LRRC10: variants seen among roughly 807,000 people sequenced by gnomAD.
The protein encoded by LRRC10 is leucine-rich repeat-containing protein 10.
In LRRC10, 6 loss-of-function variants were observed where a neutral mutation model predicts 11.1. The observed-to-expected ratio is 0.54, with a 90% CI of 0.30 to 1.07. LRRC10 has a LOEUF of 1.07. Among genes scored for constraint, LRRC10 ranks in the 50% least tolerant of loss-of-function variants. The pLI is 0.07. For synonymous variants in LRRC10, 145 were observed against 153.6 expected (o/e 0.94, Z 0.41); for missense variants, 320 against 355.5 (o/e 0.90, Z 0.80).
At position 69,610,573 on chromosome 12, in the gene LRRC10, G is replaced by A. The variant is rs201075055; in HGVS notation, c.266C>T (p.Ala89Val). The A allele has an allele frequency of 1.6e-4, 259 of 1,614,030 alleles. 2 individuals are homozygous for A. The East Asian group carries it at 5.5e-3, about 34-fold the overall frequency. Reference protein sequence around the residue: ...ILALDFNNFKALPQVVCTLKQ... With the variant: ...ILALDFNNFKVLPQVVCTLKQ... ...CAAGGTGCACACCACCTGGGGCAGA[G>A]CCTTGAAGTTGTTGAAATCCAAGGC... The change falls in exon 1 of 1, where the codon GCT becomes GTT. Residue 89 changes from alanine (A) to valine (V), a missense_variant. Ala to Val is a moderately conservative substitution (Grantham distance 64). Transcript: ENST00000361484.
rs1413193297 is a variant in LRRC10, at chr12:69,608,734, TC to T, written c.*1270del. The T allele has an allele frequency of 2.0e-5, 3 of 152,204 alleles. No individual in the cohort carries two copies. The highest frequency in any genetic ancestry group is 1.3e-4 in the Admixed American group (2 of 15,272). The allele number at this position is 152,204 out of a possible 1,614,324, so 9.4% of individuals were successfully genotyped here. On this transcript the variant is annotated 3_prime_UTR_variant, in exon 1 of 1. Coordinates refer to ENST00000361484, the MANE Select transcript of LRRC10 (RefSeq NM_201550.4). ...GAGACTTCCTATATACACTACAACT[TC>T]CTATTCAAATTTCAAAGTGCTTGTT... is the stretch of plus-strand genomic sequence containing the variant.
rs766586554 is a variant in LRRC10, at chr12:69,610,231, C to T, written c.608G>A (p.Arg203His). ...EVIDVDWNSI[R>H]YFPSLAHLSS... ...CAGGTGCGCCAGGCTGGGGAAGTAA[C>T]GGATGCTGTTCCAGTCCACATCAAT... The change falls in exon 1 of 1, where the codon CGT (arginine) becomes CAT (histidine). Residue 203 changes from arginine (R) to histidine (H), a missense_variant. Transcript: ENST00000361484. The T allele has an allele frequency of 1.6e-5, 26 of 1,614,084 alleles. No homozygotes were observed. Among genetic ancestry groups the T allele is most frequent in the East Asian group, 4.5e-5 (2 of 44,886 alleles).
Position 69,610,074 on chromosome 12 carries a change from A to G in LRRC10, c.765T>C (p.Tyr255=), listed in dbSNP as rs548431025. 18 of 1,614,216 alleles carry G rather than the reference A, an allele frequency of 1.1e-5. No individual in the cohort carries two copies. The highest frequency in any genetic ancestry group is 4.0e-5 in the African/African-American group (3 of 75,056). ...CCTGGCTTTCCTCTCTGACCAACGC[A>G]TAGCGCCTGGCTTTTCTAGGGTCGG... ...PEPDPRKARR[Y]ALVREESQEL... Residue 255 remains tyrosine, a synonymous_variant, in exon 1 of 1, where the codon TAT becomes TAC. Coordinates refer to ENST00000361484, the MANE Select transcript of LRRC10 (RefSeq NM_201550.4).
chr12:69,610,882 G>T lies in LRRC10; in HGVS notation c.-44C>A. 6.9e-7 allele frequency: 1 copy of T among 1,455,658 alleles called. No homozygotes were observed. The highest frequency in any genetic ancestry group is 9.3e-7 in the Non-Finnish European group (1 of 1,078,170). The allele number at this position is 1,455,658 out of a possible 1,614,324, so 90.2% of individuals were successfully genotyped here. On this transcript the variant is annotated 5_prime_UTR_variant, in exon 1 of 1. Transcript: ENST00000361484. ...GCGAGCCCCAGAGGACAGACTCACT[G>T]AGCGGGGCTGGCTCAGCTGACTGCT...
Position 69,610,543 on chromosome 12 carries a change from T to A in LRRC10, c.296A>T (p.Gln99Leu). 1 of 1,614,096 alleles carries A rather than the reference T, an allele frequency of 6.2e-7. No individual in the cohort carries two copies. Among genetic ancestry groups the A allele is most frequent in the Non-Finnish European group, 8.5e-7 (1 of 1,180,032 alleles). Residue 99 changes from glutamine (Q) to leucine (L), a missense_variant, in exon 1 of 1, where the codon CAG becomes CTG. By Grantham distance (113) the Gln-to-Leu change is moderately radical (BLOSUM62 -2). Coordinates refer to ENST00000361484, the MANE Select transcript of LRRC10 (RefSeq NM_201550.4). ...GTTGCCCAGGTAGAGGATGCAGAGC[T>A]GTTTCAAGGTGCACACCACCTGGGG... ...ALPQVVCTLK[Q>L]LCILYLGNNK...
Position 69,608,900 on chromosome 12 carries a change from G to A in LRRC10, c.*1105C>T, listed in dbSNP as rs1409806859. ...AAACAGAAGGGCTTTGCTTCAGGGA[G>A]GTAGACAGGAATCACAACAAGGCTT... On this transcript the variant is annotated 3_prime_UTR_variant, in exon 1 of 1. Transcript: ENST00000361484. 1 of 152,242 alleles carries A rather than the reference G, an allele frequency of 6.6e-6. No homozygotes were observed. Among genetic ancestry groups the A allele is most frequent in the Non-Finnish European group, 1.5e-5 (1 of 68,056 alleles). 9.4% of individuals were successfully genotyped at this position (152,242 alleles called of 1,614,324 possible).
In LRRC10 at chr12:69,610,573, G is replaced by T; in HGVS notation, c.266C>A (p.Ala89Asp). The part of the protein sequence containing the change: ...ILALDFNNFK[A>D]LPQVVCTLKQ... ...CAAGGTGCACACCACCTGGGGCAGA[G>T]CCTTGAAGTTGTTGAAATCCAAGGC... Residue 89 changes from alanine to aspartate, a missense_variant, in exon 1 of 1, where the codon GCT becomes GAT. By Grantham distance (126) the Ala-to-Asp change is moderately radical. Transcript: ENST00000361484. The T allele has an allele frequency of 6.2e-7, 1 of 1,614,030 alleles. No individual in the cohort carries two copies. Among genetic ancestry groups the T allele is most frequent in the Non-Finnish European group, 8.5e-7 (1 of 1,180,038 alleles).
rs1326326067 is a variant in LRRC10, at chr12:69,609,589, T to G, written c.*416A>C. ...GGTCATTTACAGTAAAGAAAATATGTCCTGCAAAGAGACAGACCACCAGAA... is the reference window on the plus strand; with the variant it reads ...GGTCATTTACAGTAAAGAAAATATGGCCTGCAAAGAGACAGACCACCAGAA... On this transcript the variant is annotated 3_prime_UTR_variant, in exon 1 of 1. Transcript: ENST00000361484. The G allele has an allele frequency of 5.5e-6, 1 of 180,654 alleles. No homozygotes were observed. Among genetic ancestry groups the G allele is most frequent in the African/African-American group, 2.4e-5 (1 of 42,530 alleles). 11.2% of individuals were successfully genotyped at this position (180,654 alleles called of 1,614,324 possible). A position where few individuals can be genotyped will look rare whatever the true frequency, so the allele number is the denominator to read the frequency against.
chr12:69,610,081 C>T lies in LRRC10; in HGVS notation c.758G>A (p.Arg253Lys). The change falls in exon 1 of 1, where the codon AGG (arginine) becomes AAG (lysine). Residue 253 changes from arginine to lysine, a missense_variant. Coordinates refer to ENST00000361484, the MANE Select transcript of LRRC10 (RefSeq NM_201550.4). ...ETPEPDPRKA[R>K]RYALVREESQ... ...TTCCTCTCTGACCAACGCATAGCGC[C>T]TGGCTTTTCTAGGGTCGGGCTCTGG... 6.2e-7 allele frequency: 1 copy of T among 1,614,220 alleles called. No individual in the cohort carries two copies. Among genetic ancestry groups the T allele is most frequent in the Non-Finnish European group, 8.5e-7 (1 of 1,180,040 alleles).
chr12:69,610,689 G>A lies in LRRC10; in HGVS notation c.150C>T (p.Ser50=), dbSNP rs765208456. 2 of 1,614,184 alleles carry A rather than the reference G, an allele frequency of 1.2e-6. No homozygotes were observed. Among genetic ancestry groups the A allele is most frequent in the Admixed American group, 1.7e-5 (1 of 60,024 alleles). ...GGTAGAGCTTGACCAGCTCCCTGAA[G>A]GAGCACACGTGCAGGGGGAAGCGGC... The part of the protein sequence containing the change: ...QLRRFPLHVC[S]FRELVKLYLS... Residue 50 remains serine (S), a synonymous_variant, in exon 1 of 1, where the codon TCC becomes TCT. Coordinates refer to ENST00000361484, the MANE Select transcript of LRRC10 (RefSeq NM_201550.4).
Position 69,610,590 on chromosome 12 carries a change from A to G in LRRC10, c.249T>C (p.Asp83=), listed in dbSNP as rs1314767403. 6.2e-7 allele frequency: 1 copy of G among 1,613,890 alleles called. No homozygotes were observed. The highest frequency in any genetic ancestry group is 1.3e-5 in the African/African-American group (1 of 75,030). Residue 83 remains aspartate (D), a synonymous_variant, in exon 1 of 1, where the codon GAT becomes GAC. Transcript: ENST00000361484. ...GGGGCAGAGCCTTGAAGTTGTTGAA[A>G]TCCAAGGCCAGAATCTGCAGGTTCT... ...QLQNLQILAL[D]FNNFKALPQV... is the part of the protein sequence containing the mutation.
In LRRC10 at chr12:69,609,776, CT is replaced by C; in HGVS notation, c.*228del. Reference sequence around the variant, plus strand: ...TGTTTTCTTGCAAAGAAGTTATGATCTCTGGATTGTCATGCCATCATTGGCA... The same window carrying C: ...TGTTTTCTTGCAAAGAAGTTATGATCCTGGATTGTCATGCCATCATTGGCA... On this transcript the variant is annotated 3_prime_UTR_variant, in exon 1 of 1. Coordinates refer to ENST00000361484, the MANE Select transcript of LRRC10 (RefSeq NM_201550.4). The C allele has an allele frequency of 1.8e-6, 1 of 558,102 alleles. No individual in the cohort carries two copies. The highest frequency in any genetic ancestry group is 3.2e-6 in the Non-Finnish European group (1 of 313,072). The allele number at this position is 558,102 out of a possible 1,614,324, so 34.6% of individuals were successfully genotyped here.
chr12:69,610,871 A>G lies in LRRC10; in HGVS notation c.-33T>C, dbSNP rs1593108142. 6.6e-7 allele frequency: 1 copy of G among 1,510,938 alleles called. No individual in the cohort carries two copies. Among genetic ancestry groups the G allele is most frequent in the Non-Finnish European group, 8.9e-7 (1 of 1,118,598 alleles). The allele number at this position is 1,510,938 out of a possible 1,614,324, so 93.6% of individuals were successfully genotyped here. A position where few individuals can be genotyped will look rare whatever the true frequency, so the allele number is the denominator to read the frequency against. ...CTGGGGGCATGGCGAGCCCCAGAGG[A>G]CAGACTCACTGAGCGGGGCTGGCTC... On this transcript the variant is annotated 5_prime_UTR_variant, in exon 1 of 1. Transcript: ENST00000361484.
In LRRC10 at chr12:69,610,864, C is replaced by A. The variant is rs1235495385; in HGVS notation, c.-26G>T. 1 of 1,533,940 alleles carries A rather than the reference C, an allele frequency of 6.5e-7. No homozygotes were observed. The highest frequency in any genetic ancestry group is 2.4e-5 in the East Asian group (1 of 42,180). ...GCGGAGGCTGGGGGCATGGCGAGCC[C>A]CAGAGGACAGACTCACTGAGCGGGG... On this transcript the variant is annotated 5_prime_UTR_variant, in exon 1 of 1. Coordinates refer to ENST00000361484, the MANE Select transcript of LRRC10 (RefSeq NM_201550.4).
At position 69,610,151 on chromosome 12, in the gene LRRC10, C is replaced by T. The variant is rs141399395; in HGVS notation, c.688G>A (p.Val230Met). The T allele has an allele frequency of 4.4e-4, 711 of 1,614,138 alleles. 8 individuals carry two copies. Among genetic ancestry groups the T allele is most frequent in the Non-Finnish European group, 6.9e-5 (81 of 1,180,064 alleles). Residue 230 changes from valine (V) to methionine (M), a missense_variant, in exon 1 of 1, where the codon GTG (valine) becomes ATG (methionine). Physicochemically the swap from Val to Met is conservative, Grantham distance 21. Transcript: ENST00000361484. ...DHNPCRNAPK[V>M]AKGVRRVGRW... ...CCCACACGGCGCACACCTTTGGCCA[C>T]CTTGGGTGCGTTCCTGCAAGGATTG...
Position 69,610,283 on chromosome 12 carries a change from G to A in LRRC10, c.556C>T (p.Leu186=). 2 of 1,613,626 alleles carry A rather than the reference G, an allele frequency of 1.2e-6. No individual in the cohort carries two copies. Among genetic ancestry groups the A allele is most frequent in the Non-Finnish European group, 1.7e-6 (2 of 1,179,550 alleles). Residue 186 remains leucine, a synonymous_variant, in exon 1 of 1, where the codon CTG becomes TTG. Coordinates refer to ENST00000361484, the MANE Select transcript of LRRC10 (RefSeq NM_201550.4). ...ACCTCCAGGAAGGGCATGTGAAGCA[G>A]CACAGTGGGAAAGTCAGTTAGCCGG... is the stretch of plus-strand genomic sequence containing the variant. The part of the protein sequence containing the change: ...GNRLTDFPTV[L]LHMPFLEVID...
Position 69,610,063 on chromosome 12 carries a change from C to G in LRRC10, c.776G>C (p.Arg259Thr), listed in dbSNP as rs754127317. 6.2e-7 allele frequency: 1 copy of G among 1,614,236 alleles called. No individual in the cohort carries two copies. Among genetic ancestry groups the G allele is most frequent in the Non-Finnish European group, 8.5e-7 (1 of 1,180,046 alleles). Residue 259 changes from arginine (R) to threonine (T), a missense_variant, in exon 1 of 1, where the codon AGA becomes ACA. Physicochemically the swap from Arg to Thr is moderately conservative, Grantham distance 71. Transcript: ENST00000361484. ...PRKARRYALV[R>T]EESQELQAPV... is the part of the protein sequence containing the mutation. ...TGCCTGTAGCTCCTGGCTTTCCTCT[C>G]TGACCAACGCATAGCGCCTGGCTTT...
At position 69,609,543 on chromosome 12, in the gene LRRC10, T is replaced by G. The variant is rs1269876622; in HGVS notation, c.*462A>C. The G allele has an allele frequency of 6.3e-6, 1 of 158,480 alleles. No homozygotes were observed. The highest frequency in any genetic ancestry group is 2.4e-5 in the African/African-American group (1 of 41,522). The allele number at this position is 158,480 out of a possible 1,614,324, so 9.8% of individuals were successfully genotyped here. On this transcript the variant is annotated 3_prime_UTR_variant, in exon 1 of 1. Coordinates refer to ENST00000361484, the MANE Select transcript of LRRC10 (RefSeq NM_201550.4). Reference sequence around the variant, plus strand: ...GAAATGTCCTTTTCGGTGGCCTCAGTGATACATTGATACTGTTTATGGTCA... The same window carrying G: ...GAAATGTCCTTTTCGGTGGCCTCAGGGATACATTGATACTGTTTATGGTCA...
In LRRC10 at chr12:69,609,976, C is replaced by G. The variant is rs753883313; in HGVS notation, c.*29G>C. On this transcript the variant is annotated 3_prime_UTR_variant, in exon 1 of 1. Transcript: ENST00000361484. The stretch of plus-strand genomic sequence containing the variant: ...CTTCCAGAACATGCTGCAGTTGGGT[C>G]CTTGGCATTGACTTGCAACTGAAGC... 6.2e-7 allele frequency: 1 copy of G among 1,601,848 alleles called. No individual in the cohort carries two copies. The highest frequency in any genetic ancestry group is 8.5e-7 in the Non-Finnish European group (1 of 1,171,592).
Sources: gnomAD v4.1 joint callset for allele counts on GRCh38, gnomAD v4.1.1 for gene constraint, MANE v1.5 for transcripts, NCBI Gene and HGNC (gene_info 2026-07-23, HGNC 2026-07-21) for gene names.